The following FIGN variants were observed in gnomAD, a reference collection of about 807,000 sequenced individuals.
The protein encoded by FIGN is fidgetin, microtubule severing factor, also known as fidgetin.
In FIGN, 11 loss-of-function variants were observed where a neutral mutation model predicts 51.3. The ratio of observed to expected loss-of-function variants is 0.21; its 90% CI spans 0.13 to 0.35. The LOEUF is 0.35. Among genes scored for constraint, FIGN ranks in the 10% least tolerant of loss-of-function variants. The pLI is 1.00. For missense variants in FIGN, 857 were observed against 943.6 expected (o/e 0.91, Z 1.20); for synonymous variants, 407 against 363.2 (o/e 1.12, Z -1.37).
At chr2:163,660,155 C>T (rs191238423) in intron 2 of FIGN, among the ~76,000 whole-genome samples, 59 of 151,962 alleles carry the variant, frequency 3.9e-4, no homozygotes, top group Admixed American at 1.6e-3. Context: ...AATGACTTAT[C>T]ACAGTCTGAT....
rs971775889 is a variant in FIGN at position 163,617,238 on chromosome 2, T to C, written c.26-5432A>G. On this transcript the variant is annotated intron_variant, in intron 2 of 2. Coordinates refer to ENST00000333129, the MANE Select transcript of FIGN (RefSeq NM_018086.4). ...GAAGAAGCACTGAAATTACGTATCA[T>C]TTTTACCTAATTTTGTTCCATCTTT... 28 of 984,706 alleles carry C rather than the reference T, an allele frequency of 2.8e-5. No individual in the cohort carries two copies. In the East Asian group the frequency reaches 3.1e-3, roughly 108 times the overall value. 61.0% of individuals were successfully genotyped at this position (984,706 alleles called of 1,614,324 possible).
chr2:163,698,027 A>G (rs1487096135), intron 2 of FIGN, among the ~76,000 whole-genome samples: 1 of 152,134 alleles, frequency 6.6e-6, no homozygotes, highest in Admixed American at 6.6e-5. Flanking sequence ...CACCACCGCC[A>G]TGGAGTATGC....
intron 2 of FIGN, among the ~76,000 whole-genome samples, chr2:163,728,621 C>T (rs921985298): frequency 3.3e-5 from 5 of 152,148 alleles, no homozygotes; most frequent in Middle Eastern, 3.4e-3. Context: ...GTATCTTTTT[C>T]GGCAGAGGCA....
chr2:163,669,015 AATATATAT>A (rs138074416), intron 2 of FIGN, among the ~76,000 whole-genome samples: 2 of 138,562 alleles, frequency 1.4e-5, no homozygotes, highest in East Asian at 4.1e-4. Context: ...GAAAAAAAGG[AATATATAT>A]ATATATATAT....
Position 163,610,484 on chromosome 2 carries a change from C to T in FIGN, c.1348G>A (p.Ala450Thr). Residue 450 changes from alanine (A) to threonine (T), a missense_variant, in exon 3 of 3, where the codon GCT becomes ACT. Ala to Thr is a moderately conservative substitution (Grantham distance 58). Around this residue, in one of 3 missense-constraint regions of FIGN, gnomAD observed 799 missense variants for 849.5 expected, o/e 0.94. Coordinates refer to ENST00000333129, the MANE Select transcript of FIGN (RefSeq NM_018086.4). ...TCCACAGAGTGGTTGGATGAGGTAG[C>T]TGCACGGAGTCCAGGGCCTTGCATT... Reference protein sequence around the residue: ...HPMQGPGLRAATSSNHSVDEQ... With the variant: ...HPMQGPGLRATTSSNHSVDEQ... The T allele has an allele frequency of 2.0e-5, 33 of 1,614,134 alleles. No individual in the cohort carries two copies. The highest frequency in any genetic ancestry group is 2.7e-5 in the African/African-American group (2 of 75,016).
At chr2:163,650,469 G>A (rs897110086) in intron 2 of FIGN, among the ~76,000 whole-genome samples, 14 of 151,994 alleles carry the variant, frequency 9.2e-5, no homozygotes, top group African/African-American at 3.1e-4. Flanking sequence ...AGGTATACAC[G>A]TGCCAGGTGG....
intron 2 of FIGN, among the ~76,000 whole-genome samples, chr2:163,674,582 T>G (rs1683928247): frequency 6.6e-6 from 1 of 152,208 alleles, no homozygotes; most frequent in Admixed American, 6.5e-5. Flanking sequence ...AGGCAATCAT[T>G]TAATTTCACA....
intron 2 of FIGN, among the ~76,000 whole-genome samples, chr2:163,724,135 G>C (rs986278538): frequency 3.9e-5 from 6 of 152,090 alleles, no homozygotes; most frequent in African/African-American, 1.4e-4. Flanking sequence ...AAAAACTAAG[G>C]CTCAGTGAGG....
At chr2:163,641,139 A>G (rs139414201) in intron 2 of FIGN, among the ~76,000 whole-genome samples, 296 of 152,336 alleles carry the variant, frequency 1.9e-3, no homozygotes, top group East Asian at 0.019. Context: ...AAACTATGGT[A>G]TATGTTAATA....
At chr2:163,650,447 G>A (rs1040777303) in intron 2 of FIGN, among the ~76,000 whole-genome samples, 1 of 151,850 alleles carries the variant, frequency 6.6e-6, no homozygotes, top group African/African-American at 2.4e-5. Flanking sequence ...GAATGTGCAG[G>A]TTTTGTTACA....
At chr2:163,612,848 C>T (rs1682786992) in intron 2 of FIGN, among the ~76,000 whole-genome samples, 1 of 150,990 alleles carries the variant, frequency 6.6e-6, no homozygotes, top group African/African-American at 2.4e-5. Flanking sequence ...GAGAGAGATT[C>T]TGGATTCTAA....
At chr2:163,618,561 G>T (rs1364995109) in intron 2 of FIGN, among the ~76,000 whole-genome samples, 1 of 151,838 alleles carries the variant, frequency 6.6e-6, no homozygotes, top group East Asian at 1.9e-4. Flanking sequence ...GGTTTGGCCA[G>T]CACAGGGCTT....
intron 1 of FIGN, 126 bp from the exon 2 acceptor site, chr2:163,735,198 C>G (rs1432973989): frequency 8.7e-6 from 4 of 458,640 alleles, no homozygotes; most frequent in African/African-American, 6.1e-5. Context: ...TCACTCACTC[C>G]CATTGAAACT....
intron 2 of FIGN, among the ~76,000 whole-genome samples, chr2:163,731,024 A>G (rs961286999): frequency 2.0e-5 from 3 of 152,070 alleles, no homozygotes; most frequent in African/African-American, 7.3e-5. Flanking sequence ...AAAGCCTGCA[A>G]TTGTTTCAAA....
intron 2 of FIGN, among the ~76,000 whole-genome samples, chr2:163,647,280 A>T (rs1683397326): frequency 1.3e-5 from 2 of 152,212 alleles, no homozygotes; most frequent in Non-Finnish European, 2.9e-5. Flanking sequence ...CTGAAAAATA[A>T]GTCATGTGAG....
chr2:163,714,351 T>C (rs757376061), intron 2 of FIGN, among the ~76,000 whole-genome samples: 4 of 152,140 alleles, frequency 2.6e-5, no homozygotes, highest in African/African-American at 4.8e-5. Flanking sequence ...AAGCAGCATG[T>C]TTCTGTCCTT....
At chr2:163,695,478 T>G (rs1046445349) in intron 2 of FIGN, among the ~76,000 whole-genome samples, 6 of 152,162 alleles carry the variant, frequency 3.9e-5, no homozygotes, top group Non-Finnish European at 7.4e-5. Context: ...AAAATCATCC[T>G]TGATTCCTTA....
intron 2 of FIGN, among the ~76,000 whole-genome samples, chr2:163,731,421 T>A (rs1335862682): frequency 1.3e-5 from 2 of 152,190 alleles, no homozygotes; most frequent in African/African-American, 4.8e-5. Context: ...TACACTCTTA[T>A]ATTATCATCT....
At chr2:163,712,693 T>C (rs1210711020) in intron 2 of FIGN, among the ~76,000 whole-genome samples, 1 of 152,160 alleles carries the variant, frequency 6.6e-6, no homozygotes, top group Non-Finnish European at 1.5e-5. Flanking sequence ...TTCCATTTAA[T>C]AAAGGCAAAT....
Sources: allele counts gnomAD v4.1 joint callset (sites outside exome capture counted in the v4.1 genomes callset), GRCh38; gene constraint gnomAD v4.1.1; regional missense constraint gnomAD v4.1.1; transcripts MANE v1.5; gene names NCBI Gene and HGNC (gene_info 2026-07-23, HGNC 2026-07-21).